The following EIF4E2 variants were observed in gnomAD, a reference collection of about 807,000 sequenced individuals.
EIF4E2 encodes eukaryotic translation initiation factor 4E type 2.
A neutral mutation model predicts 34.2 loss-of-function variants in EIF4E2; 13 were observed. The ratio of observed to expected loss-of-function variants is 0.38; its 90% confidence interval spans 0.25 to 0.60. EIF4E2 has a LOEUF of 0.60. Ranked by LOEUF, EIF4E2 falls within the 20% of genes least tolerant of loss-of-function variation. EIF4E2 has a pLI of 0.62. For synonymous variants in EIF4E2, 100 were observed against 106.6 expected (o/e 0.94, Z 0.38); for missense variants, 222 against 315.1 (o/e 0.70, Z 2.24).
chr2:232,556,464 C>T lies in EIF4E2; in HGVS notation c.69C>T (p.Ser23=), dbSNP rs757321950. The change falls in exon 2 of 7, where the codon AGC becomes AGT. Residue 23 remains serine, a synonymous_variant. Transcript: ENST00000258416. ...SGDHDQNEEN[S]TQKDGEKEKT... is the part of the protein sequence containing the mutation. ...ACCATGATCAGAATGAAGAAAACAG[C>T]ACACAGAAAGATGGTGAGAAGGAAA... The T allele has an allele frequency of 2.5e-6, 4 of 1,613,760 alleles. 1 individual carries two copies. The Admixed American group carries it at 6.7e-5, about 27-fold the overall frequency.
intron 6 of EIF4E2, among the ~76,000 whole-genome samples, chr2:232,580,448 C>G (rs1244980403): frequency 1.3e-5 from 2 of 152,118 alleles, no homozygotes; most frequent in Middle Eastern, 3.2e-3. Context: ...TGTTGGTTTC[C>G]TGTGTAGCCT....
chr2:232,559,123 G>A (rs1553582247), intron 3 of EIF4E2, among the ~76,000 whole-genome samples: 1 of 151,500 alleles, frequency 6.6e-6, no homozygotes, highest in Non-Finnish European at 1.5e-5. Context: ...CCTAATGCTA[G>A]ATGACGAGTT....
At chr2:232,573,835 T>TA (rs1229210996), downstream of EIF4E2, 1 of 351,632 alleles carries the variant, frequency 2.8e-6, no homozygotes, top group Non-Finnish European at 5.6e-6. Context: ...AACTGGCCTT[T>TA]ACCCTCAGTG....
intron 1 of EIF4E2, 36 bp downstream of exon 1, chr2:232,550,780 C>T: frequency 6.5e-7 from 1 of 1,541,320 alleles, no homozygotes; most frequent in South Asian, 1.2e-5. Flanking sequence ...GGCCCCTTCC[C>T]CGAACAGTTC....
intron 3 of EIF4E2, among the ~76,000 whole-genome samples, chr2:232,562,142 G>T (rs898103634): frequency 1.3e-5 from 2 of 151,234 alleles, no homozygotes; most frequent in Non-Finnish European, 3.0e-5. Context: ...TTGAGCCTGG[G>T]AAGTCGAGGC....
intron 2 of EIF4E2, among the ~76,000 whole-genome samples, chr2:232,557,295 A>G (rs988929561): frequency 4.1e-5 from 6 of 147,882 alleles, no homozygotes; most frequent in Non-Finnish European, 8.9e-5. Flanking sequence ...TTTATTCTAC[A>G]ATATTGAGTA....
At chr2:232,574,541 GC>G (rs1693164568) in intron 6 of EIF4E2, among the ~76,000 whole-genome samples, 2 of 152,240 alleles carry the variant, frequency 1.3e-5, no homozygotes, top group South Asian at 4.2e-4. Flanking sequence ...ACCTTATTAT[GC>G]CCCTATTTTC....
At chr2:232,575,467 T>C (rs565852897) in intron 6 of EIF4E2, among the ~76,000 whole-genome samples, 2 of 152,382 alleles carry the variant, frequency 1.3e-5, no homozygotes, top group African/African-American at 2.4e-5. Context: ...CTTTAAGATA[T>C]AGTCAACATT....
chr2:232,550,763 C>T lies in EIF4E2; in HGVS notation c.20+19C>T, dbSNP rs1014882334. 4 of 1,556,206 alleles carry T rather than the reference C, an allele frequency of 2.6e-6. No homozygotes were observed. In the African/African-American group the frequency reaches 4.2e-5, roughly 16 times the overall value. The stretch of plus-strand genomic sequence containing the variant: ...TCGACGCGTGAGTGGCTCGTGGCCG[C>T]CCCCGGGGCCCCTTCCCCGAACAGT... On this transcript the variant is annotated intron_variant, in intron 1 of 6. Coordinates refer to ENST00000258416, the MANE Select transcript of EIF4E2 (RefSeq NM_004846.4).
At chr2:232,580,711 TTGAC>T (rs1378085329) in intron 6 of EIF4E2, among the ~76,000 whole-genome samples, 1 of 152,222 alleles carries the variant, frequency 6.6e-6, no homozygotes, top group Non-Finnish European at 1.5e-5. Context: ...TTGCAAAAAA[TTGAC>T]TGGAAGTTTT....
At chr2:232,578,246 TCTC>T (rs1472904177) in intron 6 of EIF4E2, among the ~76,000 whole-genome samples, 3 of 152,182 alleles carry the variant, frequency 2.0e-5, no homozygotes, top group African/African-American at 4.8e-5. Context: ...CCTTTACTCT[TCTC>T]CTCCCCCTTT....
At position 232,567,092 on chromosome 2, in the gene EIF4E2, A is replaced by C. The variant is rs764008729; in HGVS notation, c.543A>C (p.Ser181=). The C allele has an allele frequency of 8.1e-6, 13 of 1,613,922 alleles. No homozygotes were observed. Among genetic ancestry groups the C allele is most frequent in the Non-Finnish European group, 8.5e-6 (10 of 1,179,892 alleles). ...VSVRFQEDII[S]IWNKTASDQA... ...TCCTCTGGTAGGAAGACATTATTTCAATATGGAATAAGACTGCCAGTGACC... is the reference window on the plus strand; with the variant it reads ...TCCTCTGGTAGGAAGACATTATTTCCATATGGAATAAGACTGCCAGTGACC... Residue 181 remains serine, a synonymous_variant, in exon 6 of 7, where the codon TCA becomes TCC. Transcript: ENST00000258416.
At chr2:232,554,292 G>C (rs1439742433) in intron 1 of EIF4E2, among the ~76,000 whole-genome samples, 7 of 152,334 alleles carry the variant, frequency 4.6e-5, no homozygotes, top group East Asian at 1.9e-4. Context: ...GAGACCACAT[G>C]ATGAGCATAA....
At chr2:232,562,307 G>A (rs909315620) in intron 3 of EIF4E2, among the ~76,000 whole-genome samples, 3 of 152,124 alleles carry the variant, frequency 2.0e-5, no homozygotes, top group African/African-American at 4.8e-5. Flanking sequence ...GGGGCTGGGC[G>A]CGGTGGCTCA....
At chr2:232,567,592 C>T (rs1322170200) in intron 6 of EIF4E2, 13 of 1,174,942 alleles carry the variant, frequency 1.1e-5, no homozygotes, top group African/African-American at 1.6e-5. Context: ...CCCACTTCTG[C>T]ATGTCTTTTT....
At chr2:232,565,142 C>T (rs1353650420) in intron 4 of EIF4E2, among the ~76,000 whole-genome samples, 2 of 152,214 alleles carry the variant, frequency 1.3e-5, no homozygotes, top group Non-Finnish European at 2.9e-5. Flanking sequence ...GTCACATCCA[C>T]GCCACCCATC....
At chr2:232,573,841 C>T (rs1311120489), downstream of EIF4E2, 5 of 354,092 alleles carry the variant, frequency 1.4e-5, no homozygotes, top group Non-Finnish European at 2.8e-5. Context: ...CCTTTACCCT[C>T]AGTGAGGCCT....
At chr2:232,580,993 A>C (rs892654419) in exon 7 of EIF4E2, 1 of 1,528,700 alleles carries the variant, frequency 6.5e-7, no homozygotes, top group African/African-American at 1.4e-5. Flanking sequence ...TGTTTGTCCG[A>C]AATGGATGGG....
At chr2:232,562,909 C>CT (rs1244148162) in intron 3 of EIF4E2, among the ~76,000 whole-genome samples, 1 of 151,946 alleles carries the variant, frequency 6.6e-6, no homozygotes, top group African/African-American at 2.4e-5. Context: ...GCCTTGAAGC[C>CT]CTATAGATGG....
Sources: gnomAD v4.1 joint callset for allele counts (sites outside exome capture counted in the v4.1 genomes callset) on GRCh38, gnomAD v4.1.1 for gene constraint, MANE v1.5 for transcripts, NCBI Gene and HGNC (gene_info 2026-07-23, HGNC 2026-07-21) for gene names.